CKM: variants seen among roughly 807,000 people sequenced by gnomAD.
CKM encodes creatine kinase M-type.
In CKM, 28 loss-of-function variants were observed where a neutral mutation model predicts 35.4. The ratio of observed to expected loss-of-function variants is 0.79; its 90% CI spans 0.59 to 1.08. The LOEUF (loss-of-function observed/expected upper bound fraction) is 1.08. CKM is among the 50% of genes least tolerant of loss of function. The pLI, the probability that CKM is intolerant of heterozygous loss-of-function variation, is 0.00. For synonymous variants in CKM, 215 were observed against 204.4 expected (o/e 1.05, Z -0.44); for missense variants, 484 against 509.8 (o/e 0.95, Z 0.49).
intron 1 of CKM, among the ~76,000 whole-genome samples, chr19:45,320,882 C>G (rs1352703317): frequency 8.2e-6 from 1 of 122,642 alleles, no homozygotes; most frequent in African/African-American, 3.6e-5. Context: ...CATTATTTCA[C>G]TTAGCTGCTA....
In CKM at chr19:45,306,949, G is replaced by A. The variant is rs1205516455; in HGVS notation, c.968-21C>T. The A allele has an allele frequency of 6.8e-6, 11 of 1,612,232 alleles. No individual in the cohort carries two copies. In the Admixed American group the frequency reaches 1.3e-4, roughly 20 times the overall value. On this transcript the variant is annotated intron_variant, in intron 7 of 7. Coordinates refer to ENST00000221476, the MANE Select transcript of CKM (RefSeq NM_001824.5). This position sits in a 1 kb window ranked among gnomAD's most constrained non-coding sequence, Gnocchi z 4.5. ...GCCACCTGTGGGAGCAAGGGACAGG[G>A]GCGTGAAGAGGCAGCGAAGGTGCAG...
At chr19:45,312,039 C>T (rs4803812) in intron 4 of CKM, 119 bp from the exon 5 acceptor site, 2 of 1,085,706 alleles carry the variant, frequency 1.8e-6, no homozygotes, top group Non-Finnish European at 2.7e-6. Flanking sequence ...CCTGGATGTC[C>T]TAAAGGCACC....
In CKM at chr19:45,315,516, G is replaced by A. The variant is rs546491801; in HGVS notation, c.430C>T (p.Pro144Ser). The change falls in exon 4 of 8, where the codon CCA becomes TCA. Residue 144 changes from proline (P) to serine (S), a missense_variant. Transcript: ENST00000221476. ...GRSIKGYTLP[P>S]HCSRGERRAV... ...CGGCGCTCGCCACGGGAGCAGTGTG[G>A]GGGCAACGTGTAGCCCTTGATGCTG... is the stretch of plus-strand genomic sequence containing the variant. 3 of 1,601,112 alleles carry A rather than the reference G, an allele frequency of 1.9e-6. No homozygotes were observed. In the African/African-American group the frequency reaches 4.0e-5, roughly 21 times the overall value.
At chr19:45,307,731 G>T in intron 6 of CKM, 81 bp from the exon 7 acceptor site, 1 of 1,199,974 alleles carries the variant, frequency 8.3e-7, no homozygotes, top group Non-Finnish European at 1.2e-6. Context: ...GGTCCGGAGG[G>T]ACAGGGCGTG....
chr19:45,306,890 C>G lies in CKM; in HGVS notation c.1006G>C (p.Val336Leu). The G allele has an allele frequency of 6.2e-7, 1 of 1,614,152 alleles. No homozygotes were observed. Among genetic ancestry groups the G allele is most frequent in the South Asian group, 1.1e-5 (1 of 91,088 alleles). ...GAGCCCAGCCGATCAGCGTTGGACACGTCAAATACTGAGCCCACGGCAGCT... is the reference window on the plus strand; with the variant it reads ...GAGCCCAGCCGATCAGCGTTGGACAGGTCAAATACTGAGCCCACGGCAGCT... The part of the protein sequence containing the change: ...DTAAVGSVFD[V>L]SNADRLGSSE... The change falls in exon 8 of 8, where the codon GTG becomes CTG. Residue 336 changes from valine to leucine, a missense_variant. Val to Leu is a conservative substitution (Grantham distance 32). Coordinates refer to ENST00000221476, the MANE Select transcript of CKM (RefSeq NM_001824.5). The surrounding 1 kb of genome is among the most constrained non-coding windows in gnomAD (Gnocchi z 4.5).
At chr19:45,312,549 A>G (rs1381396286) in intron 4 of CKM, among the ~76,000 whole-genome samples, 1 of 152,008 alleles carries the variant, frequency 6.6e-6, no homozygotes, top group Admixed American at 6.6e-5. Context: ...CAGCCTCTCA[A>G]GTACCTGGGA....
intron 4 of CKM, among the ~76,000 whole-genome samples, chr19:45,315,043 C>G (rs1200890963): frequency 2.0e-5 from 3 of 152,186 alleles, no homozygotes; most frequent in African/African-American, 7.2e-5. Context: ...GGTCATTCTC[C>G]ACCACACCCA....
intron 4 of CKM, among the ~76,000 whole-genome samples, chr19:45,314,912 G>C (rs1401905016): frequency 6.6e-6 from 1 of 151,654 alleles, no homozygotes; most frequent in Non-Finnish European, 1.5e-5. Flanking sequence ...GGGTCTTGCT[G>C]TATTGCCCAG....
At chr19:45,308,606 A>G (rs997161608) in intron 5 of CKM, 74 bp from the exon 6 acceptor site, 20 of 1,505,176 alleles carry the variant, frequency 1.3e-5, no homozygotes, top group Middle Eastern at 3.5e-4. Flanking sequence ...CTCCCCCAAA[A>G]CATCTGCCCA....
At chr19:45,319,145 C>T (rs1971186936) in intron 2 of CKM, among the ~76,000 whole-genome samples, 1 of 152,216 alleles carries the variant, frequency 6.6e-6, no homozygotes, top group African/African-American at 2.4e-5. Flanking sequence ...GCATGAGCCA[C>T]TGCACCTGGC....
chr19:45,307,076 TGA>T (rs1484089979), intron 7 of CKM, 148 bp from the exon 8 acceptor site: 1 of 763,150 alleles, frequency 1.3e-6, no homozygotes, highest in Non-Finnish European at 2.2e-6. Flanking sequence ...TGTTCATTCG[TGA>T]GCTCACGAGT....
At chr19:45,315,647 A>G in intron 3 of CKM, 50 bp from the exon 4 acceptor site, 2 of 1,593,740 alleles carry the variant, frequency 1.3e-6, no homozygotes, top group Non-Finnish European at 1.7e-6. Context: ...CGCCCTCTCC[A>G]GCAAGCCCAG....
chr19:45,308,649 G>T (rs1971079121), intron 5 of CKM, 117 bp from the exon 6 acceptor site: 1 of 1,328,282 alleles, frequency 7.5e-7, no homozygotes, highest in Non-Finnish European at 1.1e-6. Flanking sequence ...GGGGTGGGAG[G>T]TGGGTGGCAT....
At chr19:45,320,623 C>T (rs1309179321) in intron 1 of CKM, among the ~76,000 whole-genome samples, 1 of 152,178 alleles carries the variant, frequency 6.6e-6, no homozygotes, top group Admixed American at 6.5e-5. Flanking sequence ...AAACGGGCCC[C>T]TCCCGGAGGC....
intron 5 of CKM, among the ~76,000 whole-genome samples, chr19:45,311,032 G>A (rs1194143080): frequency 3.5e-5 from 5 of 144,882 alleles, no homozygotes; most frequent in Middle Eastern, 7.6e-3. Flanking sequence ...CGCCCACCTT[G>A]GCCTCCCAAA....
chr19:45,307,485 G>C lies in CKM; in HGVS notation c.943C>G (p.Leu315Val). The C allele has an allele frequency of 6.2e-7, 1 of 1,613,928 alleles. No individual in the cohort carries two copies. Among genetic ancestry groups the C allele is most frequent in the East Asian group, 2.2e-5 (1 of 44,884 alleles). Residue 315 changes from leucine to valine, a missense_variant, in exon 7 of 8, where the codon CTG becomes GTG. By Grantham distance (32) the Leu-to-Val change is conservative (BLOSUM62 1). Transcript: ENST00000221476. ...HPKFEEILTR[L>V]RLQKRGTGGV... ...CCTGTACCCCTCTTCTGCAGACGCA[G>C]GCGGGTGAGGATCTCCTCGAACTTG...
At position 45,314,162 on chromosome 19, in the gene CKM, A is replaced by C. The variant is rs1360785431; in HGVS notation, c.481+1303T>G. Among the ~76,000 whole-genome samples, 3 of 150,186 alleles carry C rather than the reference A, an allele frequency of 2.0e-5. No individual in the cohort carries two copies. In the East Asian group the frequency reaches 5.9e-4, roughly 29 times the overall value. On this transcript the variant is annotated intron_variant, in intron 4 of 7. Coordinates refer to ENST00000221476, the MANE Select transcript of CKM (RefSeq NM_001824.5). ...GGGAAGGAAGGGAAGGAAGGGAGGA[A>C]GAAAAGAAAGGAAAGGAAGGAAGGA...
At chr19:45,310,306 G>A (rs1971095548) in intron 5 of CKM, among the ~76,000 whole-genome samples, 1 of 151,792 alleles carries the variant, frequency 6.6e-6, no homozygotes. Context: ...ATTTTTAGTA[G>A]AGACGGGGTT....
intron 1 of CKM, among the ~76,000 whole-genome samples, chr19:45,320,580 A>G (rs1014182383): frequency 1.3e-5 from 2 of 152,206 alleles, no homozygotes; most frequent in Non-Finnish European, 2.9e-5. Flanking sequence ...TGGACTAGTC[A>G]TTCTTGCTGG....
Sources: allele counts gnomAD v4.1 joint callset (sites outside exome capture counted in the v4.1 genomes callset), GRCh38; gene constraint gnomAD v4.1.1; non-coding constraint Gnocchi (gnomAD v3.1); transcripts MANE v1.5; gene names NCBI Gene and HGNC (gene_info 2026-07-23, HGNC 2026-07-21).